The following DIRAS2 variants were observed in gnomAD, a reference collection of about 807,000 sequenced individuals.
DIRAS2 encodes GTP-binding protein Di-Ras2.
DIRAS2 carries 5 observed loss-of-function variants against 13.9 expected under a neutral mutation model. The observed-to-expected ratio is 0.36, with a 90% CI of 0.19 to 0.76. DIRAS2 has a LOEUF of 0.76. DIRAS2 is among the 30% of genes least tolerant of loss of function. DIRAS2 has a pLI of 0.53. For missense variants in DIRAS2, 191 were observed against 263.0 expected (o/e 0.73, Z 1.89); for synonymous variants, 111 against 105.4 (o/e 1.05, Z -0.33).
rs76006806 is a variant in DIRAS2 at position 90,635,125 on chromosome 9, A to G, written c.-37+7627T>C. ...CCACATTTGAACTCAAGTTTAGGTA[A>G]GTCCAAACACACATGGAAGAGGAGC... On this transcript the variant is annotated intron_variant, in intron 1 of 1. Transcript: ENST00000375765. Among the ~76,000 whole-genome samples the G allele has an allele frequency of 5.7e-3, 866 of 152,358 alleles. 2 individuals carry two copies. Among genetic ancestry groups the G allele is most frequent in the Non-Finnish European group, 9.1e-3 (618 of 68,034 alleles).
intron 1 of DIRAS2, among the ~76,000 whole-genome samples, chr9:90,632,449 G>A (rs1825333942): frequency 6.6e-6 from 1 of 152,088 alleles, no homozygotes; most frequent in East Asian, 1.9e-4. Context: ...AAATATCACT[G>A]GCTCAATGAG....
intron 1 of DIRAS2, among the ~76,000 whole-genome samples, chr9:90,615,427 G>C (rs1265879798): frequency 1.3e-5 from 2 of 152,192 alleles, no homozygotes; most frequent in African/African-American, 4.8e-5. Context: ...AACACCAAAA[G>C]ATGGCAGAAG....
chr9:90,617,238 A>T (rs1255486308), intron 1 of DIRAS2, among the ~76,000 whole-genome samples: 1 of 152,222 alleles, frequency 6.6e-6, no homozygotes, highest in East Asian at 1.9e-4. Flanking sequence ...ATGACAGTAA[A>T]CAACAAGGAG....
intron 1 of DIRAS2, among the ~76,000 whole-genome samples, chr9:90,620,092 A>C (rs1825205803): frequency 6.6e-6 from 1 of 152,194 alleles, no homozygotes. Context: ...CTTTGGGGGA[A>C]ATGAAGTGTT....
chr9:90,613,829 T>C lies in DIRAS2; in HGVS notation c.-2A>G, dbSNP rs764412543. On this transcript the variant is annotated 5_prime_UTR_variant, in exon 2 of 2. Coordinates refer to ENST00000375765, the MANE Select transcript of DIRAS2 (RefSeq NM_017594.5). The surrounding 1 kb of genome is among the most constrained non-coding windows in gnomAD (Gnocchi z 5.6). The stretch of plus-strand genomic sequence containing the variant: ...GTAATCGTTACTCTGCTCAGGCATG[T>C]TGCTGGAGAGCTCCAACTCTCAGCC... 1.2e-6 allele frequency: 2 copies of C among 1,606,528 alleles called. No individual in the cohort carries two copies.
intron 1 of DIRAS2, among the ~76,000 whole-genome samples, chr9:90,616,261 G>T (rs373435390): frequency 1.1e-3 from 170 of 152,318 alleles, no homozygotes; most frequent in African/African-American, 3.4e-3. Flanking sequence ...TTTACCCAGA[G>T]AAATATCCAC....
At chr9:90,624,305 A>G (rs1359538377) in intron 1 of DIRAS2, among the ~76,000 whole-genome samples, 1 of 152,238 alleles carries the variant, frequency 6.6e-6, no homozygotes, top group Non-Finnish European at 1.5e-5. Flanking sequence ...AAAAAATGAT[A>G]GATTTGTTAG....
intron 1 of DIRAS2, among the ~76,000 whole-genome samples, chr9:90,619,901 T>C (rs891508223): frequency 2.6e-5 from 4 of 152,064 alleles, no homozygotes; most frequent in Non-Finnish European, 5.9e-5. Flanking sequence ...CATGGATAAA[T>C]CCTGAAAATA....
At chr9:90,639,432 T>C (rs991484417) in intron 1 of DIRAS2, among the ~76,000 whole-genome samples, 1 of 152,220 alleles carries the variant, frequency 6.6e-6, no homozygotes, top group Admixed American at 6.5e-5. Flanking sequence ...TAGTACAGAA[T>C]AGCCCACTAG....
chr9:90,629,522 C>T (rs1202745977), intron 1 of DIRAS2, among the ~76,000 whole-genome samples: 1 of 142,448 alleles, frequency 7.0e-6, no homozygotes, highest in African/African-American at 2.5e-5. Context: ...TATGGGAAGA[C>T]ATATAGAAAA....
intron 1 of DIRAS2, among the ~76,000 whole-genome samples, chr9:90,628,174 C>T (rs915296510): frequency 6.6e-6 from 1 of 152,108 alleles, no homozygotes; most frequent in African/African-American, 2.4e-5. Flanking sequence ...TGTGTGAAGC[C>T]ATCACTATTA....
chr9:90,632,051 CCA>C (rs1431607705), intron 1 of DIRAS2, among the ~76,000 whole-genome samples: 1 of 152,206 alleles, frequency 6.6e-6, no homozygotes, highest in African/African-American at 2.4e-5. Flanking sequence ...ATCACTTTCT[CCA>C]TTGTTAGCAG....
In DIRAS2 at chr9:90,615,892, G is replaced by A. The variant is rs9695432; in HGVS notation, c.-36-2029C>T. Among the ~76,000 whole-genome samples, 895 of 152,272 alleles carry A rather than the reference G, an allele frequency of 5.9e-3. 8 individuals carry two copies. The highest frequency in any genetic ancestry group is 0.01 in the Non-Finnish European group (697 of 68,016). ...CATTTCTAACATATGCACTTTTAGG[G>A]AACACATTTAAACCATAGAAAATGG... On this transcript the variant is annotated intron_variant, in intron 1 of 1. Coordinates refer to ENST00000375765, the MANE Select transcript of DIRAS2 (RefSeq NM_017594.5).
chr9:90,637,434 G>A (rs1033345557), intron 1 of DIRAS2, among the ~76,000 whole-genome samples: 7 of 152,124 alleles, frequency 4.6e-5, no homozygotes, highest in African/African-American at 9.7e-5. Flanking sequence ...AGAATCAAAC[G>A]GTAGGTACAC....
intron 1 of DIRAS2, among the ~76,000 whole-genome samples, chr9:90,620,642 G>C (rs898046860): frequency 1.3e-5 from 2 of 151,806 alleles, no homozygotes; most frequent in African/African-American, 4.8e-5. Context: ...TGTAATCCCA[G>C]TTATTCGGGT....
At chr9:90,617,573 C>T (rs1825181206) in intron 1 of DIRAS2, among the ~76,000 whole-genome samples, 1 of 152,042 alleles carries the variant, frequency 6.6e-6, no homozygotes, top group African/African-American at 2.4e-5. Context: ...TGGGGAGTAA[C>T]ACAATGCAAT....
At chr9:90,631,872 C>G (rs1305561064) in intron 1 of DIRAS2, among the ~76,000 whole-genome samples, 1 of 152,152 alleles carries the variant, frequency 6.6e-6, no homozygotes, top group Non-Finnish European at 1.5e-5. Flanking sequence ...CGAAACTGCT[C>G]CCCTATAGTT....
intron 1 of DIRAS2, among the ~76,000 whole-genome samples, chr9:90,616,878 G>A (rs1390227632): frequency 6.6e-6 from 1 of 152,160 alleles, no homozygotes; most frequent in Non-Finnish European, 1.5e-5. Context: ...CATTAGAGGG[G>A]GGACAAGCAT....
At chr9:90,642,703 C>G (rs758065382) in intron 1 of DIRAS2, 49 bp downstream of exon 1, 1 of 152,806 alleles carries the variant, frequency 6.5e-6, no homozygotes, top group Non-Finnish European at 1.5e-5. Flanking sequence ...GCCGCCCGTG[C>G]CCCAATGCGG....
Sources: gnomAD v4.1 joint callset for allele counts (sites outside exome capture counted in the v4.1 genomes callset) on GRCh38, gnomAD v4.1.1 for gene constraint, Gnocchi (gnomAD v3.1) non-coding constraint, MANE v1.5 for transcripts, NCBI Gene and HGNC (gene_info 2026-07-23, HGNC 2026-07-21) for gene names.